The following TCAF1 variants were observed in gnomAD, a reference collection of about 807,000 sequenced individuals.
TCAF1 encodes TRPM8 channel associated factor 1.
TCAF1 carries 4 observed loss-of-function variants against 27.3 expected under a neutral mutation model. The observed-to-expected ratio is 0.15, with a 90% CI of 0.07 to 0.34. The LOEUF is 0.34. Among genes scored for constraint, TCAF1 ranks in the 10% least tolerant of loss-of-function variants. TCAF1 has a pLI of 1.00. For missense variants in TCAF1, 257 were observed against 425.8 expected, an observed-to-expected ratio of 0.60 and a Z score of 3.49; for synonymous variants, 105 against 167.1, an observed-to-expected ratio of 0.63 and a Z score of 2.87.
At chr7:143,891,819 A>G (rs1007931602) in intron 1 of TCAF1, among the ~76,000 whole-genome samples, 4 of 152,214 alleles carry the variant, frequency 2.6e-5, no homozygotes, top group Non-Finnish European at 4.4e-5. Context: ...ATTGAGACAC[A>G]TCACATTCAA....
intron 1 of TCAF1, among the ~76,000 whole-genome samples, chr7:143,888,112 G>T (rs1813497598): frequency 6.6e-6 from 1 of 152,114 alleles, no homozygotes; most frequent in Non-Finnish European, 1.5e-5. Context: ...CTTTAATAAG[G>T]TGTTAAAAAT....
intron 1 of TCAF1, among the ~76,000 whole-genome samples, chr7:143,898,679 TTAAA>T (rs144088628): frequency 5.0e-4 from 76 of 152,262 alleles, no homozygotes; most frequent in Non-Finnish European, 9.6e-4. Context: ...TGAAGATGAC[TTAAA>T]TAGTGTCATA....
chr7:143,895,403 A>G (rs1234026562), intron 1 of TCAF1, among the ~76,000 whole-genome samples: 1 of 151,870 alleles, frequency 6.6e-6, no homozygotes, highest in Non-Finnish European at 1.5e-5. Flanking sequence ...ACAAACACAA[A>G]AGGATACCTG....
intron 1 of TCAF1, among the ~76,000 whole-genome samples, chr7:143,890,369 T>C (rs1365495675): frequency 6.6e-6 from 1 of 152,198 alleles, no homozygotes; most frequent in Non-Finnish European, 1.5e-5. Context: ...ATGGACTAAA[T>C]TGCTGTTATC....
intron 1 of TCAF1, among the ~76,000 whole-genome samples, chr7:143,895,572 T>C (rs1391192526): frequency 6.6e-6 from 1 of 151,712 alleles, no homozygotes; most frequent in Non-Finnish European, 1.5e-5. Context: ...CATATACATA[T>C]ATAAAATTCA....
At chr7:143,893,192 T>C (rs533926408) in intron 1 of TCAF1, among the ~76,000 whole-genome samples, 1 of 152,260 alleles carries the variant, frequency 6.6e-6, no homozygotes, top group South Asian at 2.1e-4. Context: ...ACAAATTTCA[T>C]AATGATAAAA....
At chr7:143,881,209 GAGTA>G (rs1480494243) in intron 1 of TCAF1, among the ~76,000 whole-genome samples, 1 of 152,226 alleles carries the variant, frequency 6.6e-6, no homozygotes. Flanking sequence ...CCTGAAACTA[GAGTA>G]AGTGTCTGAG....
intron 1 of TCAF1, among the ~76,000 whole-genome samples, chr7:143,899,233 C>T (rs1814014137): frequency 6.6e-6 from 1 of 152,032 alleles, no homozygotes; most frequent in Admixed American, 6.6e-5. Context: ...TATGGAAGGT[C>T]AAAGGTCCAA....
intron 1 of TCAF1, among the ~76,000 whole-genome samples, chr7:143,877,862 C>G (rs548779041): frequency 6.6e-6 from 1 of 152,326 alleles, no homozygotes; most frequent in Admixed American, 6.5e-5. Flanking sequence ...CCTTTTCTGA[C>G]CTCCTCTTGG....
Position 143,876,638 on chromosome 7 carries a change from C to T in TCAF1, c.-14-16G>A, listed in dbSNP as rs771326686. On this transcript the variant is annotated splice_polypyrimidine_tract_variant and intron_variant, in intron 1 of 8. Coordinates refer to ENST00000479870, the MANE Select transcript of TCAF1 (RefSeq NM_014719.3). Reference sequence around the variant, plus strand: ...CTATTGGTTTCTGCAGAGAAGAAAGCAAAGGCTCAGCTTAGCGAAGAATGG... The same window carrying T: ...CTATTGGTTTCTGCAGAGAAGAAAGTAAAGGCTCAGCTTAGCGAAGAATGG... The T allele has an allele frequency of 1.4e-6, 2 of 1,476,834 alleles. No homozygotes were observed. Among genetic ancestry groups the T allele is most frequent in the South Asian group, 3.2e-5 (2 of 61,746 alleles). 91.5% of individuals were successfully genotyped at this position (1,476,834 alleles called of 1,614,324 possible). A position where few individuals can be genotyped will look rare whatever the true frequency, so the allele number is the denominator to read the frequency against.
intron 1 of TCAF1, among the ~76,000 whole-genome samples, chr7:143,892,549 GAGA>G (rs1813690201): frequency 6.8e-6 from 1 of 147,198 alleles, no homozygotes. Flanking sequence ...TTTTTTTTTG[GAGA>G]AGGAGTGTCA....
intron 1 of TCAF1, among the ~76,000 whole-genome samples, chr7:143,892,317 G>T (rs1813672791): frequency 6.6e-6 from 1 of 151,936 alleles, no homozygotes; most frequent in African/African-American, 2.4e-5. Context: ...AGAATACATA[G>T]AAGTAATAAT....
intron 1 of TCAF1, among the ~76,000 whole-genome samples, chr7:143,897,139 T>C (rs1473463571): frequency 4.1e-5 from 1 of 24,528 alleles, no homozygotes; most frequent in Admixed American, 3.0e-4. Flanking sequence ...TGAATATATA[T>C]ATATATATAT....
chr7:143,900,380 C>T (rs1814062823), intron 1 of TCAF1, among the ~76,000 whole-genome samples: 1 of 152,082 alleles, frequency 6.6e-6, no homozygotes, highest in Admixed American at 6.6e-5. Flanking sequence ...GGAGCCTTCT[C>T]TCTGGGGGGA....
intron 1 of TCAF1, among the ~76,000 whole-genome samples, chr7:143,889,254 G>T (rs895462379): frequency 4.4e-4 from 67 of 152,270 alleles, no homozygotes; most frequent in African/African-American, 1.6e-3. Context: ...AGTTATTATT[G>T]AAAGAAATGA....
chr7:143,901,465 G>T (rs1814107758), intron 1 of TCAF1, among the ~76,000 whole-genome samples: 1 of 152,164 alleles, frequency 6.6e-6, no homozygotes, highest in South Asian at 2.1e-4. Context: ...CAGGCCAAAT[G>T]CATTCCAGAC....
At chr7:143,875,110 C>T (rs148532824) in intron 2 of TCAF1, among the ~76,000 whole-genome samples, 2 of 152,252 alleles carry the variant, frequency 1.3e-5, no homozygotes, top group Non-Finnish European at 2.9e-5. Flanking sequence ...TTCGTAGTAC[C>T]CTTGGTGTGT....
intron 2 of TCAF1, among the ~76,000 whole-genome samples, chr7:143,875,103 G>T (rs769115301): frequency 6.6e-6 from 1 of 152,080 alleles, no homozygotes; most frequent in East Asian, 1.9e-4. Context: ...CCATACCTTC[G>T]TAGTACCCTT....
At position 143,876,256 on chromosome 7, in the gene TCAF1, A is replaced by G. The variant is rs1017121326; in HGVS notation, c.353T>C (p.Val118Ala). The change falls in exon 2 of 9, where the codon GTG (valine) becomes GCG (alanine). Residue 118 changes from valine to alanine, a missense_variant. Transcript: ENST00000479870. ...SGVDAKVEPE[V>A]KDSLGVYCID... Reference sequence around the variant, plus strand: ...ACAGTAAACCCCCAGGGAGTCTTTCACTTCTGGCTCAACCTTTGCATCCAC... The same window carrying G: ...ACAGTAAACCCCCAGGGAGTCTTTCGCTTCTGGCTCAACCTTTGCATCCAC... 6.2e-7 allele frequency: 1 copy of G among 1,614,142 alleles called. No homozygotes were observed. Among genetic ancestry groups the G allele is most frequent in the South Asian group, 1.1e-5 (1 of 91,086 alleles).
Sources: allele counts gnomAD v4.1 joint callset (sites outside exome capture counted in the v4.1 genomes callset), GRCh38; gene constraint gnomAD v4.1.1; transcripts MANE v1.5; gene names NCBI Gene and HGNC (gene_info 2026-07-23, HGNC 2026-07-21).